The following TCF7L1 variants were observed in gnomAD, a reference collection of about 807,000 sequenced individuals.
TCF7L1 encodes transcription factor 7-like 1.
A neutral mutation model predicts 63.7 loss-of-function variants in TCF7L1; 18 were observed. The ratio of observed to expected loss-of-function variants is 0.28; its 90% CI spans 0.20 to 0.42. The LOEUF (loss-of-function observed/expected upper bound fraction) is 0.42. Ranked by LOEUF, TCF7L1 falls within the 10% of genes least tolerant of loss-of-function variation. The pLI, the probability that TCF7L1 is intolerant of heterozygous loss-of-function variation, is 1.00. For missense variants in TCF7L1, 654 were observed against 779.3 expected (o/e 0.84, Z 1.91); for synonymous variants, 355 against 340.9 (o/e 1.04, Z -0.46).
At chr2:85,228,370 G>A (rs527605114) in intron 3 of TCF7L1, among the ~76,000 whole-genome samples, 7 of 152,272 alleles carry the variant, frequency 4.6e-5, no homozygotes, top group South Asian at 4.1e-4. Flanking sequence ...GCAGTGAGCC[G>A]TGATTGCACC....
chr2:85,304,461 C>A, intron 7 of TCF7L1, 123 bp downstream of exon 7: 1 of 937,240 alleles, frequency 1.1e-6, no homozygotes, highest in Non-Finnish European at 1.6e-6. Flanking sequence ...CCCCACCTCT[C>A]TTTGATCAAG....
intron 3 of TCF7L1, among the ~76,000 whole-genome samples, chr2:85,206,599 T>C (rs1225493666): frequency 1.3e-5 from 2 of 151,996 alleles, no homozygotes; most frequent in African/African-American, 4.8e-5. Flanking sequence ...ATATTGAGAG[T>C]GGGGTTTGTG....
chr2:85,198,525 C>T (rs767517348), intron 3 of TCF7L1, among the ~76,000 whole-genome samples: 2 of 152,216 alleles, frequency 1.3e-5, no homozygotes, highest in Non-Finnish European at 2.9e-5. Context: ...CAAAGCTAAA[C>T]AAATGAGCAG....
chr2:85,285,101 C>T lies in TCF7L1; in HGVS notation c.525+1523C>T, dbSNP rs1051473168. Among the ~76,000 whole-genome samples, 7 of 152,138 alleles carry T rather than the reference C, an allele frequency of 4.6e-5. No individual in the cohort carries two copies. In the East Asian group the frequency reaches 1.2e-3, roughly 25 times the overall value. On this transcript the variant is annotated intron_variant, in intron 4 of 11. Transcript: ENST00000282111. The stretch of plus-strand genomic sequence containing the variant: ...ACAAAAAATTAGCCAGGCGTGGTGG[C>T]GGGCGCCTGTAGTCCCAGCTACTAG...
intron 3 of TCF7L1, among the ~76,000 whole-genome samples, chr2:85,274,968 C>A (rs933304349): frequency 6.6e-6 from 1 of 152,168 alleles, no homozygotes. Flanking sequence ...CTCTGCCAGG[C>A]AGTAGGTGTT....
intron 3 of TCF7L1, among the ~76,000 whole-genome samples, chr2:85,181,746 T>A (rs1255017644): frequency 6.6e-6 from 1 of 152,142 alleles, no homozygotes; most frequent in East Asian, 1.9e-4. Flanking sequence ...TTTGCACCTG[T>A]GTAGTATCCT....
chr2:85,251,921 A>G (rs1173909803), intron 3 of TCF7L1, among the ~76,000 whole-genome samples: 1 of 152,114 alleles, frequency 6.6e-6, no homozygotes, highest in East Asian at 1.9e-4. Context: ...AAACGATACA[A>G]AAAATTAGCC....
intron 3 of TCF7L1, among the ~76,000 whole-genome samples, chr2:85,209,907 T>C (rs1170428974): frequency 6.6e-6 from 1 of 152,202 alleles, no homozygotes; most frequent in Non-Finnish European, 1.5e-5. Flanking sequence ...TCAGTTAGAA[T>C]ATTAATGAAT....
intron 4 of TCF7L1, among the ~76,000 whole-genome samples, chr2:85,300,941 G>A (rs1338466246): frequency 6.6e-6 from 1 of 151,902 alleles, no homozygotes; most frequent in African/African-American, 2.4e-5. Flanking sequence ...CACCATGCCC[G>A]GCTAATTTTT....
In TCF7L1 at chr2:85,307,666, GAA is replaced by G; in HGVS notation, c.1285_1286del (p.Lys429AlafsTer37). ...GGGTAAGAAAAAGAAGAGGAAGAGAGAAAAGCAGCTGTCCCAGACACAGTCAC... is the reference window on the plus strand; with the variant it reads ...GGGTAAGAAAAAGAAGAGGAAGAGAGAAGCAGCTGTCCCAGACACAGTCAC... ...NYGKKKKRKR[E>X]KQLSQTQSQQ... On this transcript the variant is annotated frameshift_variant, in exon 11 of 12. Transcript: ENST00000282111. LOFTEE classifies it high-confidence loss of function. The G allele has an allele frequency of 6.2e-7, 1 of 1,613,850 alleles. No homozygotes were observed. Among genetic ancestry groups the G allele is most frequent in the Non-Finnish European group, 8.5e-7 (1 of 1,179,982 alleles).
intron 5 of TCF7L1, among the ~76,000 whole-genome samples, chr2:85,303,002 CA>C (rs1222210781): frequency 1.3e-5 from 2 of 152,148 alleles, no homozygotes; most frequent in African/African-American, 4.8e-5. Context: ...CACAGAAGTG[CA>C]ACCGTAAAGC....
chr2:85,239,815 C>T (rs757679138), intron 3 of TCF7L1, among the ~76,000 whole-genome samples: 1 of 151,732 alleles, frequency 6.6e-6, no homozygotes, highest in Non-Finnish European at 1.5e-5. Flanking sequence ...CATGGTGGCA[C>T]GCACCTGTTA....
chr2:85,259,340 A>G (rs983043705), intron 3 of TCF7L1, among the ~76,000 whole-genome samples: 3 of 152,074 alleles, frequency 2.0e-5, no homozygotes, highest in African/African-American at 7.2e-5. Flanking sequence ...GATAAACCCA[A>G]CCTTCATTTG....
chr2:85,266,412 A>G (rs574240786), intron 3 of TCF7L1, among the ~76,000 whole-genome samples: 1 of 152,396 alleles, frequency 6.6e-6, no homozygotes, highest in Admixed American at 6.5e-5. Context: ...ATGAGAGACT[A>G]AAAGTAGTTA....
rs547631517 is a variant in TCF7L1, at chr2:85,309,331, C to T, written c.1636C>T (p.Leu546Phe). 3 of 1,612,902 alleles carry T rather than the reference C, an allele frequency of 1.9e-6. No individual in the cohort carries two copies. Among genetic ancestry groups the T allele is most frequent in the South Asian group, 2.2e-5 (2 of 90,968 alleles). The stretch of plus-strand genomic sequence containing the variant: ...CCAGCCTCCCCTCCTGTCCCGGCCC[C>T]TCCCCCTTGGGTCCATGCCCACAGC... ...GSQPPLLSRP[L>F]PLGSMPTALL... The change falls in exon 12 of 12, where the codon CTC becomes TTC. Residue 546 changes from leucine to phenylalanine, a missense_variant. By Grantham distance (22) the Leu-to-Phe change is conservative. Coordinates refer to ENST00000282111, the MANE Select transcript of TCF7L1 (RefSeq NM_031283.3).
intron 3 of TCF7L1, among the ~76,000 whole-genome samples, chr2:85,150,130 AT>A (rs1223677210): frequency 1.3e-5 from 2 of 150,878 alleles, no homozygotes; most frequent in Non-Finnish European, 3.0e-5. Context: ...TTATTTATTC[AT>A]TTTTTTTGGC....
intron 3 of TCF7L1, among the ~76,000 whole-genome samples, chr2:85,222,396 G>C (rs1312909995): frequency 1.3e-5 from 2 of 150,408 alleles, no homozygotes; most frequent in East Asian, 3.9e-4. Flanking sequence ...TTGGCCAGGC[G>C]TGGTGGTTCA....
intron 3 of TCF7L1, among the ~76,000 whole-genome samples, chr2:85,189,026 C>T (rs1678990831): frequency 6.6e-6 from 1 of 152,128 alleles, no homozygotes. Flanking sequence ...AGCAGAGCAT[C>T]GTCCCTTCCA....
At chr2:85,308,792 C>T (rs564109702) in intron 11 of TCF7L1, among the ~76,000 whole-genome samples, 12 of 152,234 alleles carry the variant, frequency 7.9e-5, no homozygotes, top group African/African-American at 2.9e-4. Context: ...GACACTGAGC[C>T]GTCTTCTCTC....
Sources: gnomAD v4.1 joint callset for allele counts (sites outside exome capture counted in the v4.1 genomes callset) on GRCh38, gnomAD v4.1.1 for gene constraint, MANE v1.5 for transcripts, NCBI Gene and HGNC (gene_info 2026-07-23, HGNC 2026-07-21) for gene names.